Variants in ADAM28 observed in about 807,000 individuals in gnomAD.
The protein encoded by ADAM28 is disintegrin and metalloproteinase domain-containing protein 28.
Under a neutral mutation model 101.2 loss-of-function variants are expected in ADAM28, and 105 were observed. That is an observed-to-expected ratio of 1.04 (90% CI 0.89 to 1.22). ADAM28 has a LOEUF of 1.22. Ranked by LOEUF, ADAM28 falls within the 50% of genes most tolerant of loss-of-function variation. The pLI is 0.00. For missense variants in ADAM28, 1,028 were observed against 945.4 expected, an observed-to-expected ratio of 1.09 and a Z score of -1.15; for synonymous variants, 322 against 310.6, an observed-to-expected ratio of 1.04 and a Z score of -0.39.
chr8:24,304,529 T>C (rs914432334), intron 2 of ADAM28, among the ~76,000 whole-genome samples: 1 of 152,070 alleles, frequency 6.6e-6, no homozygotes, highest in African/African-American at 2.4e-5. Flanking sequence ...GGATAATGTA[T>C]ATGAAAAGCA....
chr8:24,348,168 C>A (rs967472049), intron 18 of ADAM28, among the ~76,000 whole-genome samples: 1 of 151,878 alleles, frequency 6.6e-6, no homozygotes, highest in African/African-American at 2.4e-5. Context: ...TTATGCATTT[C>A]TTTTATATTT....
rs1464767262 is a variant in ADAM28 at position 24,331,279 on chromosome 8, G to A, written c.1233G>A (p.Gly411=). 1.2e-6 allele frequency: 2 copies of A among 1,612,576 alleles called. No individual in the cohort carries two copies. The highest frequency in any genetic ancestry group is 1.1e-5 in the South Asian group (1 of 90,706). Residue 411 remains glycine, a synonymous_variant, in exon 12 of 23, where the codon GGG becomes GGA. Coordinates refer to ENST00000265769, the MANE Select transcript of ADAM28 (RefSeq NM_014265.6). ...PTDIISTPIC[G]NQLVEMGEDC... ...ATATCATATCCACTCCAATTTGTGG[G>A]AACCAGTTGGTGGAAATGGGAGAGG...
rs949728008 is a variant in ADAM28, at chr8:24,355,779, A to C, written c.*1375A>C. 1 of 152,124 alleles carries C rather than the reference A, an allele frequency of 6.6e-6. No homozygotes were observed. Among genetic ancestry groups the C allele is most frequent in the East Asian group, 1.9e-4 (1 of 5,196 alleles). 9.4% of individuals were successfully genotyped at this position (152,124 alleles called of 1,614,324 possible). A position where few individuals can be genotyped will look rare whatever the true frequency, so the allele number is the denominator to read the frequency against. On this transcript the variant is annotated 3_prime_UTR_variant, in exon 23 of 23. Transcript: ENST00000265769. ...ACACTTTCTTGGTACTCCTTATTAT[A>C]TGAGCCATACATTTTCCTTGTTGTT...
chr8:24,298,801 C>T (rs1808315814), intron 1 of ADAM28, among the ~76,000 whole-genome samples: 1 of 152,112 alleles, frequency 6.6e-6, no homozygotes, highest in Non-Finnish European at 1.5e-5. Flanking sequence ...GCAGGTCTAT[C>T]GACTATATAC....
chr8:24,312,939 G>A (rs1810670365), intron 5 of ADAM28, among the ~76,000 whole-genome samples: 2 of 152,150 alleles, frequency 1.3e-5, no homozygotes, highest in Admixed American at 1.3e-4. Flanking sequence ...AAATAAATGT[G>A]GAGAACCTGA....
At chr8:24,301,723 T>A (rs1808803806) in intron 2 of ADAM28, among the ~76,000 whole-genome samples, 1 of 152,160 alleles carries the variant, frequency 6.6e-6, no homozygotes, top group Non-Finnish European at 1.5e-5. Context: ...AGCAGCTAAA[T>A]TGATTTAATA....
At chr8:24,315,347 A>C (rs998897406) in intron 6 of ADAM28, among the ~76,000 whole-genome samples, 2 of 152,008 alleles carry the variant, frequency 1.3e-5, no homozygotes, top group East Asian at 3.9e-4. Context: ...AAGATGTCTC[A>C]GAAATGAAAA....
At chr8:24,343,394 G>A in intron 17 of ADAM28, 112 bp from the exon 18 acceptor site, 1 of 1,148,728 alleles carries the variant, frequency 8.7e-7, no homozygotes. Context: ...ATAGATGGAA[G>A]CCTGGAGACT....
At chr8:24,330,998 C>A in intron 11 of ADAM28, 152 bp from the exon 12 acceptor site, 1 of 646,344 alleles carries the variant, frequency 1.5e-6, no homozygotes, top group Non-Finnish European at 2.5e-6. Context: ...TTAATTCGGG[C>A]ATGCAAATGA....
At chr8:24,323,604 C>G (rs528805815) in intron 8 of ADAM28, among the ~76,000 whole-genome samples, 1 of 151,698 alleles carries the variant, frequency 6.6e-6, no homozygotes, top group Non-Finnish European at 1.5e-5. Context: ...CACCCCCCAC[C>G]CAAAAAAGAA....
intron 1 of ADAM28, chr8:24,299,768 T>G: frequency 2.4e-6 from 1 of 414,090 alleles, no homozygotes; most frequent in Non-Finnish European, 4.3e-6. Flanking sequence ...TCTGAAGATA[T>G]AGGCTAAAGT....
intron 12 of ADAM28, among the ~76,000 whole-genome samples, chr8:24,332,073 A>G (rs1263268264): frequency 6.6e-6 from 1 of 152,192 alleles, no homozygotes; most frequent in Admixed American, 6.5e-5. Context: ...TAACCCTAAA[A>G]TATTGTAACC....
At chr8:24,310,302 TC>T (rs1352358428) in intron 4 of ADAM28, 61 bp downstream of exon 4, 18 of 1,486,066 alleles carry the variant, frequency 1.2e-5, no homozygotes, top group Non-Finnish European at 1.5e-5. Context: ...AAAGGTAGTG[TC>T]CTTGCCAGGC....
At chr8:24,306,706 C>A (rs1260747573) in intron 2 of ADAM28, among the ~76,000 whole-genome samples, 1 of 151,998 alleles carries the variant, frequency 6.6e-6, no homozygotes, top group Non-Finnish European at 1.5e-5. Context: ...AAAAAATATT[C>A]TCTGTTTATC....
chr8:24,333,396 A>G (rs1164668324), intron 13 of ADAM28, among the ~76,000 whole-genome samples: 1 of 152,198 alleles, frequency 6.6e-6, no homozygotes, highest in Non-Finnish European at 1.5e-5. Context: ...TGTAGTAATC[A>G]TTTCTTTCTA....
intron 16 of ADAM28, among the ~76,000 whole-genome samples, chr8:24,342,130 C>G (rs1814855821): frequency 6.6e-6 from 1 of 152,156 alleles, no homozygotes. Flanking sequence ...TGATACTGGG[C>G]TTCATTTAAC....
intron 6 of ADAM28, among the ~76,000 whole-genome samples, chr8:24,319,017 T>C (rs970733900): frequency 2.0e-5 from 3 of 151,974 alleles, no homozygotes; most frequent in African/African-American, 7.2e-5. Flanking sequence ...CAAACCCCTA[T>C]ACGATTGTGG....
At chr8:24,317,838 C>G (rs1389528415) in intron 6 of ADAM28, among the ~76,000 whole-genome samples, 2 of 151,940 alleles carry the variant, frequency 1.3e-5, no homozygotes, top group South Asian at 2.1e-4. Context: ...TGGGGAGATT[C>G]GGGTCTAAGG....
chr8:24,309,574 A>G (rs1810166021), intron 2 of ADAM28, among the ~76,000 whole-genome samples: 1 of 152,170 alleles, frequency 6.6e-6, no homozygotes, highest in Non-Finnish European at 1.5e-5. Flanking sequence ...GACAGTACGT[A>G]CCAATTTTTC....
Sources: gnomAD v4.1 joint callset for allele counts (sites outside exome capture counted in the v4.1 genomes callset) on GRCh38, gnomAD v4.1.1 for gene constraint, MANE v1.5 for transcripts, NCBI Gene and HGNC (gene_info 2026-07-23, HGNC 2026-07-21) for gene names.